The following LRRC8D variants were observed in gnomAD, a reference collection of about 807,000 sequenced individuals.
LRRC8D encodes volume-regulated anion channel subunit LRRC8D.
In LRRC8D, 20 loss-of-function variants were observed where a neutral mutation model predicts 55.8. That is an observed-to-expected ratio of 0.36 (90% CI 0.25 to 0.52). The LOEUF (loss-of-function observed/expected upper bound fraction) is 0.52. Ranked by LOEUF, LRRC8D falls within the 20% of genes least tolerant of loss-of-function variation. LRRC8D has a pLI of 0.93. For synonymous variants in LRRC8D, 352 were observed against 377.0 expected (o/e 0.93, Z 0.77); for missense variants, 651 against 1,030.8 (o/e 0.63, Z 5.05).
rs746052453 is a variant in LRRC8D at position 89,934,140 on chromosome 1, A to C, written c.1072A>C (p.Met358Leu). ...GYEVFECTHN[M>L]AYMLKKLLIS... The stretch of plus-strand genomic sequence containing the variant: ...TGAGGTATTTGAGTGCACCCACAAT[A>C]TGGCTTACATGTTGAAAAAGCTTCT... Residue 358 changes from methionine to leucine, a missense_variant, in exon 3 of 3, where the codon ATG (methionine) becomes CTG (leucine). By Grantham distance (15) the Met-to-Leu change is conservative. Around this residue, in one of 5 missense-constraint regions of LRRC8D, gnomAD observed 178 missense variants for 374.9 expected, o/e 0.47. Coordinates refer to ENST00000337338, the MANE Select transcript of LRRC8D (RefSeq NM_001134479.2). This position sits in a 1 kb window ranked among gnomAD's most constrained non-coding sequence, Gnocchi z 5.9. The C allele has an allele frequency of 6.2e-7, 1 of 1,614,158 alleles. No homozygotes were observed. The highest frequency in any genetic ancestry group is 1.1e-5 in the South Asian group (1 of 91,080).
In LRRC8D at chr1:89,848,920, G is replaced by T. The variant is rs533578538; in HGVS notation, c.-3+5138G>T. On this transcript the variant is annotated intron_variant, in intron 2 of 2. Transcript: ENST00000337338. ...TCACCGTGTTAGCCAGGATGATCTC[G>T]ATCTCCTGACTTCTTGATCTGCCCG... Among the ~76,000 whole-genome samples the T allele has an allele frequency of 2.6e-5, 4 of 152,102 alleles. No homozygotes were observed. The South Asian group carries it at 8.3e-4, about 32-fold the overall frequency.
In LRRC8D at chr1:89,933,486, A is replaced by G. The variant is rs1663764691; in HGVS notation, c.418A>G (p.Asn140Asp). ...GAAAGATCCAACAGGTCGAAAAACA[A>G]ACTTGGATTTTCAGCAATATGTATT... ...EKKDPTGRKTNLDFQQYVFIN... is the reference protein window; with the variant it reads ...EKKDPTGRKTDLDFQQYVFIN... The change falls in exon 3 of 3, where the codon AAC becomes GAC. Residue 140 changes from asparagine (N) to aspartate (D), a missense_variant. Around this residue, in one of 5 missense-constraint regions of LRRC8D, gnomAD observed 118 missense variants for 138.0 expected, o/e 0.85. Coordinates refer to ENST00000337338, the MANE Select transcript of LRRC8D (RefSeq NM_001134479.2). This position sits in a 1 kb window ranked among gnomAD's most constrained non-coding sequence, Gnocchi z 7.0. 3 of 1,614,158 alleles carry G rather than the reference A, an allele frequency of 1.9e-6. No homozygotes were observed. The highest frequency in any genetic ancestry group is 2.5e-6 in the Non-Finnish European group (3 of 1,180,038).
intron 2 of LRRC8D, among the ~76,000 whole-genome samples, chr1:89,913,107 G>A (rs1366144501): frequency 6.6e-6 from 1 of 152,224 alleles, no homozygotes; most frequent in Non-Finnish European, 1.5e-5. Context: ...AAAAGGAAAA[G>A]GAAGGCCAAG....
At chr1:89,916,699 C>T (rs892192848) in intron 2 of LRRC8D, among the ~76,000 whole-genome samples, 2 of 151,942 alleles carry the variant, frequency 1.3e-5, no homozygotes, top group East Asian at 1.9e-4. Context: ...CTCTTTTCTT[C>T]GTTGATTTTT....
chr1:89,839,763 T>C (rs1661088502), intron 1 of LRRC8D, among the ~76,000 whole-genome samples: 1 of 8,184 alleles, frequency 1.2e-4, no homozygotes, highest in African/African-American at 1.3e-4. Context: ...TGAAGGCTGA[T>C]AGTGCAGAGG....
intron 2 of LRRC8D, among the ~76,000 whole-genome samples, chr1:89,918,005 T>A (rs1177779194): frequency 2.0e-5 from 3 of 152,212 alleles, no homozygotes; most frequent in Non-Finnish European, 2.9e-5. Context: ...CCAAGCTTTC[T>A]CCAGGAATTT....
chr1:89,851,416 A>G (rs930053010), intron 2 of LRRC8D, among the ~76,000 whole-genome samples: 4 of 151,994 alleles, frequency 2.6e-5, no homozygotes, highest in African/African-American at 7.3e-5. Flanking sequence ...CCCGTCTGCA[A>G]TTTATGTCAC....
chr1:89,887,116 C>T (rs563034502), intron 2 of LRRC8D, among the ~76,000 whole-genome samples: 41 of 151,910 alleles, frequency 2.7e-4, no homozygotes, highest in Non-Finnish European at 5.7e-4. Flanking sequence ...ATATACTAGT[C>T]GTTTACATGG....
chr1:89,904,151 G>A (rs988956256), intron 2 of LRRC8D, among the ~76,000 whole-genome samples: 1 of 152,214 alleles, frequency 6.6e-6, no homozygotes, highest in African/African-American at 2.4e-5. Context: ...AGCTTTCTGA[G>A]CTATCTGGAA....
At chr1:89,907,950 G>A (rs1473293291) in intron 2 of LRRC8D, among the ~76,000 whole-genome samples, 1 of 152,168 alleles carries the variant, frequency 6.6e-6, no homozygotes, top group African/African-American at 2.4e-5. Flanking sequence ...GCCCTGAAAT[G>A]TGAGTGGCTT....
intron 2 of LRRC8D, among the ~76,000 whole-genome samples, chr1:89,895,501 G>A (rs1283041341): frequency 6.6e-6 from 1 of 152,024 alleles, no homozygotes; most frequent in African/African-American, 2.4e-5. Context: ...TTTTTTCTAC[G>A]TACCACATGT....
intron 2 of LRRC8D, among the ~76,000 whole-genome samples, chr1:89,854,105 TGGGAC>T (rs1661490468): frequency 6.6e-6 from 1 of 152,122 alleles, no homozygotes; most frequent in Non-Finnish European, 1.5e-5. Flanking sequence ...TTTATTCCAT[TGGGAC>T]AGGAGAAGAC....
chr1:89,827,608 G>A (rs993700319), intron 1 of LRRC8D, among the ~76,000 whole-genome samples: 2 of 152,210 alleles, frequency 1.3e-5, no homozygotes, highest in African/African-American at 4.8e-5. Context: ...CATCTGAGAG[G>A]AGATGGCATG....
At chr1:89,883,018 G>T (rs1662322750) in intron 2 of LRRC8D, among the ~76,000 whole-genome samples, 1 of 152,146 alleles carries the variant, frequency 6.6e-6, no homozygotes. Context: ...TATTTAGCAG[G>T]TAGTAGAGTT....
chr1:89,930,253 G>A (rs936884928), intron 2 of LRRC8D, among the ~76,000 whole-genome samples: 1 of 152,154 alleles, frequency 6.6e-6, no homozygotes, highest in African/African-American at 2.4e-5. Context: ...GGAGTGCAGT[G>A]GTGTGATCTT....
intron 2 of LRRC8D, among the ~76,000 whole-genome samples, chr1:89,907,680 A>C (rs774558351): frequency 1.3e-5 from 2 of 152,178 alleles, no homozygotes; most frequent in Admixed American, 6.5e-5. Context: ...GAATTATTTC[A>C]TGAGTCCCCC....
At chr1:89,861,267 T>G (rs1309708120) in intron 2 of LRRC8D, among the ~76,000 whole-genome samples, 1 of 152,186 alleles carries the variant, frequency 6.6e-6, no homozygotes, top group African/African-American at 2.4e-5. Flanking sequence ...GAAAGTAAGC[T>G]AAATTCACTA....
In LRRC8D at chr1:89,930,840, G is replaced by A. The variant is rs565823962; in HGVS notation, c.-2-2227G>A. Among the ~76,000 whole-genome samples, 8 of 151,510 alleles carry A rather than the reference G, an allele frequency of 5.3e-5. No individual in the cohort carries two copies. In the South Asian group the frequency reaches 1.7e-3, roughly 32 times the overall value. On this transcript the variant is annotated intron_variant, in intron 2 of 2. Transcript: ENST00000337338. ...TGTTTCTCATTTAGGTTAGCTTGCT[G>A]TGATTCCAGTAGCTTTTCTTCCTGC...
At chr1:89,897,046 G>A (rs894355563) in intron 2 of LRRC8D, among the ~76,000 whole-genome samples, 21 of 152,158 alleles carry the variant, frequency 1.4e-4, no homozygotes, top group African/African-American at 5.1e-4. Context: ...TCAGCAGAGT[G>A]TATTAGAAAC....
Sources: allele counts gnomAD v4.1 joint callset (sites outside exome capture counted in the v4.1 genomes callset), GRCh38; gene constraint gnomAD v4.1.1; regional missense constraint gnomAD v4.1.1; non-coding constraint Gnocchi (gnomAD v3.1); transcripts MANE v1.5; gene names NCBI Gene and HGNC (gene_info 2026-07-23, HGNC 2026-07-21).